GPC6: variants seen among roughly 807,000 people sequenced by gnomAD.
The protein encoded by GPC6 is glypican-6.
Under a neutral mutation model 55.2 loss-of-function variants are expected in GPC6, and 14 were observed. The observed-to-expected ratio is 0.25, with a 90% CI of 0.17 to 0.40. GPC6 has a LOEUF of 0.40. Among genes scored for constraint, GPC6 ranks in the 10% least tolerant of loss-of-function variants. The pLI, the probability that GPC6 is intolerant of heterozygous loss-of-function variation, is 1.00. For synonymous variants in GPC6, 278 were observed against 259.6 expected (o/e 1.07, Z -0.68); for missense variants, 641 against 708.5 (o/e 0.90, Z 1.08).
At chr13:94,062,646 A>G (rs1352851705) in intron 4 of GPC6, among the ~76,000 whole-genome samples, 1 of 152,190 alleles carries the variant, frequency 6.6e-6, no homozygotes, top group Non-Finnish European at 1.5e-5. Flanking sequence ...TTTATTATGT[A>G]CATATTTTTA....
At chr13:93,565,934 C>CAAAAA (rs35217779) in intron 2 of GPC6, among the ~76,000 whole-genome samples, 3 of 134,812 alleles carry the variant, frequency 2.2e-5, no homozygotes. Flanking sequence ...AACAAACAAA[C>CAAAAA]AAAAAAAAAA....
At chr13:93,483,450 A>C (rs1879591339) in intron 1 of GPC6, among the ~76,000 whole-genome samples, 1 of 152,166 alleles carries the variant, frequency 6.6e-6, no homozygotes, top group Admixed American at 6.6e-5. Context: ...TATAGAAATT[A>C]GAATGTTAAT....
At chr13:94,346,170 A>G (rs975144781) in intron 6 of GPC6, among the ~76,000 whole-genome samples, 1 of 152,112 alleles carries the variant, frequency 6.6e-6, no homozygotes, top group South Asian at 2.1e-4. Flanking sequence ...TTAACTAATT[A>G]CCTCTGCAAA....
At chr13:93,970,725 G>C (rs1233756516) in intron 3 of GPC6, among the ~76,000 whole-genome samples, 1 of 152,178 alleles carries the variant, frequency 6.6e-6, no homozygotes, top group Admixed American at 6.5e-5. Flanking sequence ...TCAGTGCCCT[G>C]ACAACCTGAT....
chr13:93,369,302 A>C (rs1881368902), intron 1 of GPC6, among the ~76,000 whole-genome samples: 1 of 152,154 alleles, frequency 6.6e-6, no homozygotes, highest in African/African-American at 2.4e-5. Flanking sequence ...AATTCACTGC[A>C]ATTACAATAA....
At chr13:94,336,680 G>GCAA (rs368100889) in intron 6 of GPC6, among the ~76,000 whole-genome samples, 27 of 151,722 alleles carry the variant, frequency 1.8e-4, no homozygotes, top group East Asian at 1.4e-3. Context: ...TGCTTTCTCT[G>GCAA]CAACAACAAC....
At chr13:93,478,183 G>T (rs944656534) in intron 1 of GPC6, among the ~76,000 whole-genome samples, 1 of 152,034 alleles carries the variant, frequency 6.6e-6, no homozygotes, top group Non-Finnish European at 1.5e-5. Context: ...GCCCAGGCTC[G>T]GTGTTTTAAT....
chr13:93,948,087 A>G (rs1352883133), intron 3 of GPC6, among the ~76,000 whole-genome samples: 2 of 152,214 alleles, frequency 1.3e-5, no homozygotes, highest in African/African-American at 2.4e-5. Flanking sequence ...AAGAAACAAT[A>G]AAGTTACTCA....
At chr13:93,255,653 A>G (rs1487005054) in intron 1 of GPC6, among the ~76,000 whole-genome samples, 1 of 152,172 alleles carries the variant, frequency 6.6e-6, no homozygotes, top group Middle Eastern at 3.2e-3. Context: ...AATGAAAGGT[A>G]TATCATGGTG....
At chr13:94,363,845 G>A (rs146703563) in intron 6 of GPC6, among the ~76,000 whole-genome samples, 98 of 152,288 alleles carry the variant, frequency 6.4e-4, no homozygotes, top group African/African-American at 2.3e-3. Context: ...GGAGATGTCC[G>A]GTGGAATGAA....
intron 3 of GPC6, among the ~76,000 whole-genome samples, chr13:93,921,877 G>T (rs1877593057): frequency 6.6e-6 from 1 of 151,720 alleles, no homozygotes; most frequent in African/African-American, 2.4e-5. Flanking sequence ...TGGAGCCTTT[G>T]CTGGGGAACT....
Position 94,339,836 on chromosome 13 carries a change from T to TCAC in GPC6, c.1152+33713_1152+33714insCAC, listed in dbSNP as rs1295948636. ...TGGAGTGCAATGGCACGATCTGGGC[T>TCAC]TGCCTCAACCTCCAACTTCCGGGTT... On this transcript the variant is annotated intron_variant, in intron 6 of 8. Transcript: ENST00000377047. Among the ~76,000 whole-genome samples the TCAC allele has an allele frequency of 6.8e-5, 10 of 147,648 alleles. No individual in the cohort carries two copies. The East Asian group carries it at 1.5e-3, about 22-fold the overall frequency.
chr13:93,300,717 T>C (rs367585779), intron 1 of GPC6, among the ~76,000 whole-genome samples: 2 of 148,904 alleles, frequency 1.3e-5, no homozygotes, highest in African/African-American at 5.0e-5. Flanking sequence ...TTCTTTCCTT[T>C]ATATAGAATT....
intron 1 of GPC6, among the ~76,000 whole-genome samples, chr13:93,355,221 T>C (rs1019345296): frequency 6.6e-6 from 1 of 152,222 alleles, no homozygotes; most frequent in African/African-American, 2.4e-5. Flanking sequence ...GTACTCAAGA[T>C]AAAAGCATTT....
At chr13:93,821,960 A>G (rs1051420375) in intron 2 of GPC6, among the ~76,000 whole-genome samples, 21 of 152,000 alleles carry the variant, frequency 1.4e-4, no homozygotes, top group African/African-American at 5.1e-4. Context: ...TTTCTATGTA[A>G]TTTGTCAGGG....
At chr13:94,078,626 C>A (rs1884999338) in intron 4 of GPC6, among the ~76,000 whole-genome samples, 1 of 151,946 alleles carries the variant, frequency 6.6e-6, no homozygotes, top group African/African-American at 2.4e-5. Flanking sequence ...TACACACCAA[C>A]AAATGGGATG....
intron 3 of GPC6, among the ~76,000 whole-genome samples, chr13:93,883,831 A>C (rs1269122770): frequency 6.6e-6 from 1 of 152,156 alleles, no homozygotes; most frequent in Non-Finnish European, 1.5e-5. Flanking sequence ...CTGAATATCT[A>C]AATTCATTAC....
intron 2 of GPC6, among the ~76,000 whole-genome samples, chr13:93,784,592 G>A (rs896916111): frequency 6.6e-6 from 1 of 152,144 alleles, no homozygotes; most frequent in African/African-American, 2.4e-5. Context: ...GTTTATTGGA[G>A]TTTCCTGTTA....
At chr13:93,839,963 A>G (rs1247926509) in intron 3 of GPC6, among the ~76,000 whole-genome samples, 2 of 152,068 alleles carry the variant, frequency 1.3e-5, no homozygotes, top group African/African-American at 4.8e-5. Flanking sequence ...TTTTGGTATT[A>G]GGGTGATGCT....
Sources: allele counts gnomAD v4.1 joint callset (sites outside exome capture counted in the v4.1 genomes callset), GRCh38; gene constraint gnomAD v4.1.1; transcripts MANE v1.5; gene names NCBI Gene and HGNC (gene_info 2026-07-23, HGNC 2026-07-21).